Variants in DAAM1 observed in about 807,000 individuals in gnomAD.
DAAM1 encodes disheveled-associated activator of morphogenesis 1.
In DAAM1, 52 loss-of-function variants were observed where a neutral mutation model predicts 130.0. The observed-to-expected ratio is 0.40, with a 90% CI of 0.32 to 0.50. The LOEUF is 0.50. Ranked by LOEUF, DAAM1 falls within the 20% of genes least tolerant of loss-of-function variation. The pLI, the probability that DAAM1 is intolerant of heterozygous loss-of-function variation, is 0.61. For missense variants in DAAM1, 1,134 were observed against 1,303.8 expected, an observed-to-expected ratio of 0.87 and a Z score of 2.01; for synonymous variants, 452 against 444.5, an observed-to-expected ratio of 1.02 and a Z score of -0.21.
At chr14:59,278,333 C>T (rs1019479086) in intron 2 of DAAM1, among the ~76,000 whole-genome samples, 1 of 152,046 alleles carries the variant, frequency 6.6e-6, no homozygotes, top group African/African-American at 2.4e-5. Flanking sequence ...GTTAGATATT[C>T]ATGACTAATG....
Position 59,315,339 on chromosome 14 carries a change from T to C in DAAM1, c.333T>C (p.Asn111=). 1 of 1,613,910 alleles carries C rather than the reference T, an allele frequency of 6.2e-7. No homozygotes were observed. The highest frequency in any genetic ancestry group is 8.5e-7 in the Non-Finnish European group (1 of 1,179,870). ...SWPEFYIDQL[N]SMAARKSLLA... ...CTGAATTCTACATTGATCAGCTCAA[T>C]TCCATGGCTGCTGTAAGTAGACTTT... Residue 111 remains asparagine (N), a synonymous_variant, in exon 4 of 25, where the codon AAT becomes AAC. Coordinates refer to ENST00000360909, the MANE Select transcript of DAAM1 (RefSeq NM_001270520.2).
intron 19 of DAAM1, 90 bp from the exon 20 acceptor site, chr14:59,355,075 G>A: frequency 1.3e-6 from 2 of 1,490,926 alleles, no homozygotes; most frequent in Non-Finnish European, 1.8e-6. Flanking sequence ...GTTATTAAGT[G>A]TGTGAATTTA....
Position 59,263,668 on chromosome 14 carries a change from C to G in DAAM1, c.183+8C>G, listed in dbSNP as rs149156387. 7.4e-6 allele frequency: 12 copies of G among 1,613,554 alleles called. No homozygotes were observed. The African/African-American group carries it at 1.6e-4, about 22-fold the overall frequency. On this transcript the variant is annotated splice_region_variant and intron_variant, in intron 2 of 24. Transcript: ENST00000360909. ...ATGTTCAGTGAACTGGTGGTGAGTC[C>G]CAGTTTTCTATCCTGGCATTGGTGG... is the stretch of plus-strand genomic sequence containing the variant.
chr14:59,192,921 CG>C (rs1023804473), intron 1 of DAAM1, among the ~76,000 whole-genome samples: 1 of 152,120 alleles, frequency 6.6e-6, no homozygotes, highest in African/African-American at 2.4e-5. Context: ...GGTGTGGTGG[CG>C]GGTGCCTGTA....
intron 2 of DAAM1, among the ~76,000 whole-genome samples, chr14:59,266,857 GCT>G (rs1204638300): frequency 6.6e-6 from 1 of 152,204 alleles, no homozygotes; most frequent in African/African-American, 2.4e-5. Flanking sequence ...CCAAATGCCA[GCT>G]CTGTAGCCTA....
At chr14:59,286,541 A>G (rs1883462616) in intron 2 of DAAM1, among the ~76,000 whole-genome samples, 3 of 152,146 alleles carry the variant, frequency 2.0e-5, no homozygotes, top group African/African-American at 7.2e-5. Flanking sequence ...TAGCTAGATT[A>G]ATAAGGGAAA....
At position 59,275,611 on chromosome 14, in the gene DAAM1, C is replaced by G. The variant is rs147703384; in HGVS notation, c.183+11951C>G. 6.5e-4 allele frequency among the ~76,000 whole-genome samples: 99 copies of G among 152,182 alleles called. 1 individual carries two copies. The highest frequency in any genetic ancestry group is 3.4e-3 in the Middle Eastern group (1 of 294). ...CAGACTATTAAAACTTGAAGTCACT[C>G]TAATGAGTTTCTAGTTTAACGGTAA... On this transcript the variant is annotated intron_variant, in intron 2 of 24. Coordinates refer to ENST00000360909, the MANE Select transcript of DAAM1 (RefSeq NM_001270520.2).
At chr14:59,234,994 G>A (rs1031461704) in intron 1 of DAAM1, among the ~76,000 whole-genome samples, 5 of 152,034 alleles carry the variant, frequency 3.3e-5, no homozygotes, top group African/African-American at 2.4e-5. Flanking sequence ...GGATGAAGTC[G>A]ACTTGATCAC....
intron 2 of DAAM1, among the ~76,000 whole-genome samples, chr14:59,273,751 G>A (rs984700160): frequency 1.3e-5 from 2 of 152,204 alleles, no homozygotes; most frequent in African/African-American, 4.8e-5. Context: ...GTTTAGGTAA[G>A]CTTTTAAGCG....
At chr14:59,345,334 C>T (rs950963676) in intron 16 of DAAM1, among the ~76,000 whole-genome samples, 1 of 152,156 alleles carries the variant, frequency 6.6e-6, no homozygotes, top group Non-Finnish European at 1.5e-5. Flanking sequence ...GCTGCTGTAA[C>T]GGCGTAGGGG....
chr14:59,319,850 A>C (rs1380483366), intron 4 of DAAM1, among the ~76,000 whole-genome samples: 1 of 152,124 alleles, frequency 6.6e-6, no homozygotes, highest in Non-Finnish European at 1.5e-5. Flanking sequence ...ATAGTTTAAC[A>C]CTATCCTCAG....
At chr14:59,231,279 T>A (rs1889098509) in intron 1 of DAAM1, among the ~76,000 whole-genome samples, 1 of 152,186 alleles carries the variant, frequency 6.6e-6, no homozygotes, top group Non-Finnish European at 1.5e-5. Flanking sequence ...CAAACTAACA[T>A]CTTATATTTC....
intron 16 of DAAM1, among the ~76,000 whole-genome samples, chr14:59,344,721 G>A (rs1439316641): frequency 6.6e-6 from 1 of 152,180 alleles, no homozygotes; most frequent in Non-Finnish European, 1.5e-5. Context: ...TAGAGCTAGT[G>A]TTTAGTCCAG....
At chr14:59,326,386 A>T in intron 10 of DAAM1, 124 bp from the exon 11 acceptor site, 1 of 953,322 alleles carries the variant, frequency 1.0e-6, no homozygotes, top group East Asian at 2.6e-5. Flanking sequence ...TTTGGGAAGC[A>T]TTGGTGCAGA....
At chr14:59,354,052 C>A in intron 19 of DAAM1, 88 bp downstream of exon 19, 2 of 1,291,816 alleles carry the variant, frequency 1.5e-6, no homozygotes, top group Non-Finnish European at 2.1e-6. Context: ...TAAACAAGAT[C>A]CCCTTGGTGA....
intron 2 of DAAM1, among the ~76,000 whole-genome samples, chr14:59,274,871 A>G (rs1404338381): frequency 1.3e-5 from 2 of 152,214 alleles, no homozygotes; most frequent in Non-Finnish European, 2.9e-5. Flanking sequence ...CATGAAAGTT[A>G]GCAGATTAAA....
intron 3 of DAAM1, among the ~76,000 whole-genome samples, chr14:59,305,862 G>T (rs1253911506): frequency 6.6e-6 from 1 of 152,140 alleles, no homozygotes; most frequent in Non-Finnish European, 1.5e-5. Context: ...TTTCATTCAG[G>T]CCATTCAGAA....
At chr14:59,255,464 A>G (rs1213428959) in intron 1 of DAAM1, among the ~76,000 whole-genome samples, 2 of 152,134 alleles carry the variant, frequency 1.3e-5, no homozygotes, top group Non-Finnish European at 2.9e-5. Context: ...GGAATGTGAG[A>G]GAGGAGAGGG....
At chr14:59,300,958 G>A (rs1884144634) in intron 3 of DAAM1, among the ~76,000 whole-genome samples, 1 of 152,126 alleles carries the variant, frequency 6.6e-6, no homozygotes, top group African/African-American at 2.4e-5. Context: ...ATCTAGAATA[G>A]ACACCTAGAC....
Sources: gnomAD v4.1 joint callset for allele counts (sites outside exome capture counted in the v4.1 genomes callset) on GRCh38, gnomAD v4.1.1 for gene constraint, MANE v1.5 for transcripts, NCBI Gene and HGNC (gene_info 2026-07-23, HGNC 2026-07-21) for gene names.